Variants in CTCFL observed in about 807,000 individuals in gnomAD.
The protein encoded by CTCFL is CCCTC-binding factor like.
CTCFL carries 36 observed loss-of-function variants against 67.4 expected under a neutral mutation model. That is an observed-to-expected ratio of 0.53 (90% CI 0.41 to 0.71). CTCFL has a LOEUF of 0.71. Among genes scored for constraint, CTCFL ranks in the 30% least tolerant of loss-of-function variants. The pLI is 0.00. For missense variants in CTCFL, 786 were observed against 835.2 expected, an observed-to-expected ratio of 0.94 and a Z score of 0.73; for synonymous variants, 324 against 302.3, an observed-to-expected ratio of 1.07 and a Z score of -0.75.
chr20:57,513,582 T>C, intron 7 of CTCFL: 1 of 1,106,726 alleles, frequency 9.0e-7, no homozygotes, highest in African/African-American at 1.7e-5. Context: ...GTCAAAAAAG[T>C]CTAGCAACTG....
intron 5 of CTCFL, 71 bp from the exon 6 acceptor site, chr20:57,515,905 T>C (rs2068884788): frequency 2.0e-6 from 3 of 1,488,262 alleles, no homozygotes; most frequent in Non-Finnish European, 2.7e-6. Context: ...TTAATCAGCA[T>C]TGTAAAAGAG....
chr20:57,514,641 T>G lies in CTCFL; in HGVS notation c.1281A>C (p.Lys427Asn). ...TGGTGGCACAATGGGGACACTGGTA[T>G]TTGGGGACATTTTCGCCGTGTTTCT... ...ILQKHGENVP[K>N]YQCPHCATII... is the part of the protein sequence containing the mutation. The change falls in exon 7 of 11, where the codon AAA becomes AAC. Residue 427 changes from lysine (K) to asparagine (N), a missense_variant. This residue lies in a region of CTCFL where 254 missense variants were observed against 333.9 expected (regional missense o/e 0.76). Coordinates refer to ENST00000243914, the MANE Select transcript of CTCFL (RefSeq NM_001386993.1). The G allele has an allele frequency of 6.2e-7, 1 of 1,614,178 alleles. No individual in the cohort carries two copies. Among genetic ancestry groups the G allele is most frequent in the Non-Finnish European group, 8.5e-7 (1 of 1,180,012 alleles).
intron 5 of CTCFL, chr20:57,518,359 G>A (rs2069084509): frequency 2.4e-6 from 1 of 412,900 alleles, no homozygotes; most frequent in Non-Finnish European, 4.1e-6. Flanking sequence ...CGAGCAAGCT[G>A]CTTTGTATCT....
chr20:57,516,476 G>A (rs539766200), intron 5 of CTCFL, among the ~76,000 whole-genome samples: 1 of 152,166 alleles, frequency 6.6e-6, no homozygotes, highest in East Asian at 1.9e-4. Flanking sequence ...GGCTGAGGCC[G>A]CAAAGAGCCA....
intron 7 of CTCFL, chr20:57,513,094 A>C (rs2068671996): frequency 3.9e-6 from 1 of 257,500 alleles, no homozygotes; most frequent in Non-Finnish European, 6.6e-6. Flanking sequence ...CTCGGTATGG[A>C]GTTAAATGTT....
intron 10 of CTCFL, among the ~76,000 whole-genome samples, chr20:57,503,039 C>T (rs552630375): frequency 3.9e-5 from 6 of 152,278 alleles, no homozygotes; most frequent in African/African-American, 1.2e-4. Context: ...CTAGGTCCCC[C>T]GAGGGAGGGC....
At chr20:57,521,750 G>A (rs908770928) in intron 3 of CTCFL, among the ~76,000 whole-genome samples, 1 of 152,222 alleles carries the variant, frequency 6.6e-6, no homozygotes, top group African/African-American at 2.4e-5. Flanking sequence ...AAAAACGAAT[G>A]AAGCGCTGAC....
intron 8 of CTCFL, among the ~76,000 whole-genome samples, chr20:57,509,412 T>C (rs2068414636): frequency 6.6e-6 from 1 of 151,518 alleles, no homozygotes; most frequent in African/African-American, 2.4e-5. Context: ...TGTGGACGCA[T>C]GCCACTATGC....
chr20:57,524,385 G>T (rs73299404), intron 1 of CTCFL, 169 bp from the exon 2 acceptor site: 77 of 1,441,542 alleles, frequency 5.3e-5, no homozygotes, highest in Non-Finnish European at 6.2e-5. Context: ...CTTGGGTCTA[G>T]GAGGGGGTCA....
At position 57,524,025 on chromosome 20, in the gene CTCFL, G is replaced by A. The variant is rs1259385950; in HGVS notation, c.181C>T (p.Leu61=). The change falls in exon 2 of 11, where the codon CTG becomes TTG. Residue 61 remains leucine, a synonymous_variant. Transcript: ENST00000243914. ...RTSGAFQDSV[L]EEEVELVLAP... ...AGCACCAGCTCCACTTCTTCCTCCAGGACGCTGTCCTGGAAGGCCCCAGAG... is the reference window on the plus strand; with the variant it reads ...AGCACCAGCTCCACTTCTTCCTCCAAGACGCTGTCCTGGAAGGCCCCAGAG... 1 of 1,613,430 alleles carries A rather than the reference G, an allele frequency of 6.2e-7. No homozygotes were observed. Among genetic ancestry groups the A allele is most frequent in the Admixed American group, 1.7e-5 (1 of 60,026 alleles).
intron 7 of CTCFL, among the ~76,000 whole-genome samples, chr20:57,514,364 A>G (rs2068761877): frequency 6.6e-6 from 1 of 152,232 alleles, no homozygotes; most frequent in African/African-American, 2.4e-5. Context: ...TATCACGTGC[A>G]TACGGAACAG....
chr20:57,521,054 C>T (rs558926835), intron 3 of CTCFL, among the ~76,000 whole-genome samples: 1 of 152,330 alleles, frequency 6.6e-6, no homozygotes, highest in African/African-American at 2.4e-5. Context: ...ATATCAGAAG[C>T]TAAGAGAAAG....
chr20:57,517,345 C>T (rs1180899728), intron 5 of CTCFL, among the ~76,000 whole-genome samples: 4 of 142,230 alleles, frequency 2.8e-5, no homozygotes, highest in African/African-American at 7.9e-5. Context: ...TGCGCGATTT[C>T]GGCTCACTGG....
chr20:57,512,643 A>G lies in CTCFL; in HGVS notation c.1440T>C (p.His480=). 1.2e-6 allele frequency: 2 copies of G among 1,614,192 alleles called. No homozygotes were observed. Among genetic ancestry groups the G allele is most frequent in the Non-Finnish European group, 1.7e-6 (2 of 1,180,020 alleles). ...TGCACTTGAACCTCTTCTCATTCTT[A>G]TGAGTTTTCTGGTGCTGAATGAGGG... ...RYALIQHQKT[H]KNEKRFKCKH... is the part of the protein sequence containing the mutation. The change falls in exon 8 of 11, where the codon CAT becomes CAC. Residue 480 remains histidine, a synonymous_variant. Transcript: ENST00000243914.
intron 6 of CTCFL, 44 bp downstream of exon 6, chr20:57,515,670 A>G: frequency 6.2e-7 from 1 of 1,613,550 alleles, no homozygotes; most frequent in Non-Finnish European, 8.5e-7. Flanking sequence ...TTGCTTTAAG[A>G]GTTAACACTG....
At chr20:57,504,274 C>G (rs985042253) in intron 9 of CTCFL, among the ~76,000 whole-genome samples, 1 of 147,816 alleles carries the variant, frequency 6.8e-6, no homozygotes, top group Non-Finnish European at 1.5e-5. Context: ...CTGCACCCGC[C>G]CCCCGTCTCC....
intron 3 of CTCFL, among the ~76,000 whole-genome samples, chr20:57,521,517 CA>C (rs1386556476): frequency 1.3e-5 from 2 of 152,146 alleles, no homozygotes; most frequent in African/African-American, 4.8e-5. Context: ...GGTAGCTCCT[CA>C]AAAAATTAAA....
chr20:57,525,220 G>C (rs573743325), upstream of CTCFL: 2 of 139,740 alleles, frequency 1.4e-5, no homozygotes, highest in Admixed American at 1.4e-4. Flanking sequence ...GGGGGAGGGG[G>C]TGATGTACTG....
chr20:57,497,337 T>C lies in CTCFL; in HGVS notation c.*1213A>G, dbSNP rs1229611369. On this transcript the variant is annotated 3_prime_UTR_variant, in exon 11 of 11. Transcript: ENST00000243914. ...AATTAATTTGCTGGTACAAAGAGAA[T>C]ATAATGCTCTTCCTGCTGGGAAATT... 1.0e-6 allele frequency: 1 copy of C among 985,342 alleles called. No individual in the cohort carries two copies. The highest frequency in any genetic ancestry group is 1.2e-6 in the Non-Finnish European group (1 of 829,852). The allele number at this position is 985,342 out of a possible 1,614,324, so 61.0% of individuals were successfully genotyped here.
Sources: allele counts gnomAD v4.1 joint callset (sites outside exome capture counted in the v4.1 genomes callset), GRCh38; gene constraint gnomAD v4.1.1; regional missense constraint gnomAD v4.1.1; transcripts MANE v1.5; gene names NCBI Gene and HGNC (gene_info 2026-07-23, HGNC 2026-07-21).